Variants in SRRD observed in about 807,000 individuals in gnomAD.
SRRD encodes the protein SRR1-like protein.
In SRRD, 28 loss-of-function variants were observed where a neutral mutation model predicts 30.7. That is an observed-to-expected ratio of 0.91 (90% confidence interval 0.68 to 1.25). The LOEUF (loss-of-function observed/expected upper bound fraction) is 1.25, where lower values mean the gene tolerates loss of function less well. Among genes scored for constraint, SRRD ranks in the 50% most tolerant of loss-of-function variants. The probability of loss-of-function intolerance (pLI) is 0.00; values close to 1 mark genes in which losing one functional copy is unlikely to be tolerated. For synonymous variants in SRRD, 161 were observed against 159.6 expected (o/e 1.01, Z -0.07); for missense variants, 415 against 417.3 (o/e 0.99, Z 0.05).
chr22:26,486,387 C>G (rs1458412720), intron 2 of SRRD, among the ~76,000 whole-genome samples: 1 of 152,152 alleles, frequency 6.6e-6, no homozygotes, highest in Non-Finnish European at 1.5e-5. Context: ...ACAATGTAGC[C>G]TTTTCCTCGT....
intron 6 of SRRD, 112 bp downstream of exon 6, chr22:26,491,182 C>A: frequency 9.3e-7 from 1 of 1,078,864 alleles, no homozygotes; most frequent in Non-Finnish European, 1.4e-6. Context: ...CGCTAGTGTA[C>A]TGTCAGCTCT....
intron 2 of SRRD, among the ~76,000 whole-genome samples, chr22:26,487,775 A>G (rs1320784611): frequency 6.6e-6 from 1 of 152,182 alleles, no homozygotes; most frequent in Middle Eastern, 3.2e-3. Flanking sequence ...GTGAAACCCA[A>G]TTTCTGCTTG....
chr22:26,488,383 C>T lies in SRRD; in HGVS notation c.511-7C>T, dbSNP rs764861999. ...GTTGAAGTAAACAACTCATTCTTCC[C>T]TTCTAGATTCCCAGAAGTCACTGTT... On this transcript the variant is annotated splice_region_variant and splice_polypyrimidine_tract_variant and intron_variant, in intron 3 of 6. Transcript: ENST00000215917. The T allele has an allele frequency of 2.5e-6, 4 of 1,614,062 alleles. No homozygotes were observed. In the South Asian group the frequency reaches 3.3e-5, roughly 13 times the overall value.
intron 5 of SRRD, 124 bp downstream of exon 5, chr22:26,490,322 C>G (rs1406371811): frequency 8.8e-7 from 1 of 1,139,532 alleles, no homozygotes; most frequent in Non-Finnish European, 1.2e-6. Flanking sequence ...CCACAGGGAA[C>G]TGGATGAAGG....
chr22:26,494,236 C>G lies in SRRD; in HGVS notation c.*2564C>G. ...CCAGCACTTGGTCTGAGAACATCGA[C>G]TTCCAACCCAGGTACCACTTGGTGA... On this transcript the variant is annotated 3_prime_UTR_variant, in exon 7 of 7. Transcript: ENST00000215917. 1 of 1,614,242 alleles carries G rather than the reference C, an allele frequency of 6.2e-7. No individual in the cohort carries two copies. Among genetic ancestry groups the G allele is most frequent in the Non-Finnish European group, 8.5e-7 (1 of 1,180,050 alleles).
Position 26,494,056 on chromosome 22 carries a change from A to G in SRRD, c.*2384A>G. 6.6e-7 allele frequency: 1 copy of G among 1,526,400 alleles called. No individual in the cohort carries two copies. Among genetic ancestry groups the G allele is most frequent in the Non-Finnish European group, 8.9e-7 (1 of 1,120,192 alleles). The allele number at this position is 1,526,400 out of a possible 1,614,324, so 94.6% of individuals were successfully genotyped here. Reference sequence around the variant, plus strand: ...AAGGTTTAGGCTGCCTACAGGAACCAGAAAACTCTGATTCTGTGTCATTTA... The same window carrying G: ...AAGGTTTAGGCTGCCTACAGGAACCGGAAAACTCTGATTCTGTGTCATTTA... On this transcript the variant is annotated 3_prime_UTR_variant, in exon 7 of 7. Transcript: ENST00000215917.
chr22:26,490,158 A>G lies in SRRD; in HGVS notation c.724A>G (p.Met242Val). 1 of 1,614,170 alleles carries G rather than the reference A, an allele frequency of 6.2e-7. No homozygotes were observed. The highest frequency in any genetic ancestry group is 1.1e-5 in the South Asian group (1 of 91,082). The change falls in exon 5 of 7, where the codon ATG becomes GTG. Residue 242 changes from methionine (M) to valine (V), a missense_variant. Physicochemically the swap from Met to Val is conservative, Grantham distance 21. Coordinates refer to ENST00000215917, the MANE Select transcript of SRRD (RefSeq NM_001013694.3). ...CTGGTCAGTAGATGCCCTTTCTAAG[A>G]TGGTCATCATTGGGAACAGTTTCAA... ...SNWSVDALSK[M>V]VIIGNSFKGL... is the part of the protein sequence containing the mutation.
Position 26,488,078 on chromosome 22 carries a change from T to C in SRRD, c.300T>C (p.Pro100=). ...LTKHLEQLKA[P]VGTLSDIFGN... is the part of the protein sequence containing the mutation. Reference sequence around the variant, plus strand: ...AACATCTGGAACAACTGAAGGCCCCTGTGGGGACTCTTTCAGACATCTTTG... The same window carrying C: ...AACATCTGGAACAACTGAAGGCCCCCGTGGGGACTCTTTCAGACATCTTTG... The change falls in exon 3 of 7, where the codon CCT becomes CCC. Residue 100 remains proline, a synonymous_variant. Transcript: ENST00000215917. The C allele has an allele frequency of 6.2e-7, 1 of 1,614,174 alleles. No homozygotes were observed. The highest frequency in any genetic ancestry group is 8.5e-7 in the Non-Finnish European group (1 of 1,179,992).
At chr22:26,484,345 T>C (rs1215473437) in intron 1 of SRRD, among the ~76,000 whole-genome samples, 1 of 152,208 alleles carries the variant, frequency 6.6e-6, no homozygotes, top group Non-Finnish European at 1.5e-5. Flanking sequence ...GCCTCAGTTT[T>C]CTCATCTGTG....
At chr22:26,484,210 G>A in intron 1 of SRRD, 111 bp downstream of exon 1, 4 of 1,162,024 alleles carry the variant, frequency 3.4e-6, no homozygotes, top group Non-Finnish European at 4.9e-6. Flanking sequence ...AGGAGTTATT[G>A]TGAAGAGTTA....
chr22:26,484,719 T>C (rs1005745722), intron 1 of SRRD, among the ~76,000 whole-genome samples: 7 of 152,254 alleles, frequency 4.6e-5, no homozygotes, highest in Admixed American at 3.9e-4. Context: ...CTTTCCATTA[T>C]GCTTGTTGCT....
At chr22:26,487,858 TCCAGG>T (rs2091719650) in intron 2 of SRRD, 166 bp from the exon 3 acceptor site, 4 of 690,220 alleles carry the variant, frequency 5.8e-6, no homozygotes, top group Non-Finnish European at 9.4e-6. Flanking sequence ...TGACTGTATG[TCCAGG>T]CATGTTTGGG....
At chr22:26,484,285 C>A (rs1908389180) in intron 1 of SRRD, among the ~76,000 whole-genome samples, 186 bp downstream of exon 1, 1 of 152,124 alleles carries the variant, frequency 6.6e-6, no homozygotes, top group Non-Finnish European at 1.5e-5. Flanking sequence ...GTCGTCTTTC[C>A]TTTTATTACG....
At position 26,491,023 on chromosome 22, in the gene SRRD, A is replaced by G; in HGVS notation, c.765-2A>G. 6.2e-7 allele frequency: 1 copy of G among 1,608,172 alleles called. No homozygotes were observed. The highest frequency in any genetic ancestry group is 8.5e-7 in the Non-Finnish European group (1 of 1,178,026). On this transcript the variant is annotated splice_acceptor_variant, in intron 5 of 6. Transcript: ENST00000215917. LOFTEE classifies it high-confidence loss of function. ...GTTTTTTTGGTTTTTTTTAATTTCT[A>G]GGTTGTTGGCAAGGATTCTGCAGAA...
chr22:26,486,225 C>G (rs2091707782), intron 2 of SRRD, among the ~76,000 whole-genome samples, 162 bp downstream of exon 2: 1 of 152,180 alleles, frequency 6.6e-6, no homozygotes, highest in Non-Finnish European at 1.5e-5. Flanking sequence ...TCCTCAGTTT[C>G]TTTATCTGTG....
rs748611941 is a variant in SRRD at position 26,488,011 on chromosome 22, G to C, written c.251-18G>C. The C allele has an allele frequency of 2.4e-5, 39 of 1,594,756 alleles. No homozygotes were observed. In the South Asian group the frequency reaches 4.4e-4, roughly 18 times the overall value. ...CAGAACATGCCCTCTAACTGCATTT[G>C]GGGGCCTGCTCTTTCAGAAACCATC... is the stretch of plus-strand genomic sequence containing the variant. On this transcript the variant is annotated intron_variant, in intron 2 of 6. Coordinates refer to ENST00000215917, the MANE Select transcript of SRRD (RefSeq NM_001013694.3).
rs886972803 is a variant in SRRD, at chr22:26,493,554, C to A, written c.*1882C>A. The A allele has an allele frequency of 5.9e-5, 9 of 153,226 alleles. No individual in the cohort carries two copies. The highest frequency in any genetic ancestry group is 2.2e-4 in the African/African-American group (9 of 41,436). 9.5% of individuals were successfully genotyped at this position (153,226 alleles called of 1,614,324 possible). ...ATGTAGAAACATAAATATACTCTCACTTACTTATGATCTAGGCAGAATGAC... is the reference window on the plus strand; with the variant it reads ...ATGTAGAAACATAAATATACTCTCAATTACTTATGATCTAGGCAGAATGAC... On this transcript the variant is annotated 3_prime_UTR_variant, in exon 7 of 7. Transcript: ENST00000215917.
rs1315176836 is a variant in SRRD at position 26,493,069 on chromosome 22, T to A, written c.*1397T>A. On this transcript the variant is annotated 3_prime_UTR_variant, in exon 7 of 7. Transcript: ENST00000215917. ...GAGACCGAGTCTCGCTCTTGTCACC[T>A]AGGCTGGAGTGCAGTGCTTGCAATC... The A allele has an allele frequency of 6.6e-6, 1 of 151,976 alleles. No individual in the cohort carries two copies. Among genetic ancestry groups the A allele is most frequent in the African/African-American group, 2.4e-5 (1 of 41,392 alleles). The allele number at this position is 151,976 out of a possible 1,614,324, so 9.4% of individuals were successfully genotyped here.
At position 26,488,480 on chromosome 22, in the gene SRRD, G is replaced by A. The variant is rs1569151543; in HGVS notation, c.601G>A (p.Glu201Lys). 4 of 1,613,634 alleles carry A rather than the reference G, an allele frequency of 2.5e-6. No homozygotes were observed. Among genetic ancestry groups the A allele is most frequent in the Middle Eastern group, 1.6e-4 (1 of 6,062 alleles). Reference protein sequence around the residue: ...LNTLGVTVLSENEEGKRSIRG... With the variant: ...LNTLGVTVLSKNEEGKRSIRG... The stretch of plus-strand genomic sequence containing the variant: ...CACCCTTGGTGTGACTGTTCTCAGT[G>A]AGAACGAGGTAAGTGGTTTAAAGGG... The change falls in exon 4 of 7, where the codon GAG becomes AAG. Residue 201 changes from glutamate to lysine, a missense_variant. Physicochemically the swap from Glu to Lys is moderately conservative, Grantham distance 56. Transcript: ENST00000215917.
Sources: allele counts gnomAD v4.1 joint callset (sites outside exome capture counted in the v4.1 genomes callset), GRCh38; gene constraint gnomAD v4.1.1; transcripts MANE v1.5; gene names NCBI Gene and HGNC (gene_info 2026-07-23, HGNC 2026-07-21).